Variants in SSUH2 observed in about 807,000 individuals in gnomAD.
The protein encoded by SSUH2 is protein SSUH2 homolog.
Under a neutral mutation model 55.3 loss-of-function variants are expected in SSUH2, and 47 were observed. The observed-to-expected ratio is 0.85, with a 90% CI of 0.67 to 1.08. The LOEUF is 1.08. SSUH2 is among the 50% of genes least tolerant of loss of function. SSUH2 has a pLI of 0.00. For missense variants in SSUH2, 535 were observed against 490.7 expected, an observed-to-expected ratio of 1.09 and a Z score of -0.85; for synonymous variants, 212 against 191.5, an observed-to-expected ratio of 1.11 and a Z score of -0.89.
At chr3:8,625,496 A>G (rs1262306246) in intron 10 of SSUH2, 46 bp downstream of exon 10, 2 of 1,226,772 alleles carry the variant, frequency 1.6e-6, no homozygotes, top group African/African-American at 3.0e-5. Flanking sequence ...ACGAGAGCAG[A>G]GGAGGAACCC....
chr3:8,678,078 AG>A (rs1470512922), intron 2 of SSUH2, among the ~76,000 whole-genome samples: 1 of 152,052 alleles, frequency 6.6e-6, no homozygotes, highest in Non-Finnish European at 1.5e-5. Flanking sequence ...AATATCAGTG[AG>A]GGCGTGTCCA....
chr3:8,642,876 T>C (rs1701090028), intron 1 of SSUH2, among the ~76,000 whole-genome samples: 1 of 152,270 alleles, frequency 6.6e-6, no homozygotes, highest in Admixed American at 6.5e-5. Flanking sequence ...TTTCATTAAC[T>C]TTTTCTAAAA....
At chr3:8,632,339 C>T (rs184437648) in intron 4 of SSUH2, among the ~76,000 whole-genome samples, 8 of 152,312 alleles carry the variant, frequency 5.3e-5, no homozygotes, top group African/African-American at 1.4e-4. Flanking sequence ...CAGGCTCAAA[C>T]TAGAGCTAAT....
At chr3:8,679,316 A>G (rs137989275) in intron 2 of SSUH2, among the ~76,000 whole-genome samples, 5,641 of 63,008 alleles carry the variant, frequency 0.09, 1,418 homozygotes, top group Non-Finnish European at 0.11. Flanking sequence ...GGCGGGGACT[A>G]AGAGCCAGCC....
At chr3:8,668,776 T>G (rs1704232885) in intron 5 of SSUH2, among the ~76,000 whole-genome samples, 1 of 152,134 alleles carries the variant, frequency 6.6e-6, no homozygotes, top group Non-Finnish European at 1.5e-5. Flanking sequence ...ATTTCATGAG[T>G]CTCTTTCACA....
chr3:8,680,536 ATATCG>A (rs1331168908), intron 1 of SSUH2, among the ~76,000 whole-genome samples: 1 of 151,994 alleles, frequency 6.6e-6, no homozygotes, highest in East Asian at 1.9e-4. Context: ...ACTCCCTGCG[ATATCG>A]TGTGTTATAT....
At chr3:8,674,549 G>A (rs898251695) in intron 3 of SSUH2, among the ~76,000 whole-genome samples, 5 of 152,142 alleles carry the variant, frequency 3.3e-5, no homozygotes, top group Admixed American at 6.5e-5. Context: ...TATCCAAAAA[G>A]GCTCTTGACA....
At chr3:8,650,104 C>T (rs1189401981) in intron 7 of SSUH2, among the ~76,000 whole-genome samples, 1 of 152,096 alleles carries the variant, frequency 6.6e-6, no homozygotes, top group East Asian at 1.9e-4. Context: ...CAAACTGTTC[C>T]CTCACCACCT....
At chr3:8,631,136 G>C (rs1431946191) in intron 5 of SSUH2, among the ~76,000 whole-genome samples, 3 of 152,098 alleles carry the variant, frequency 2.0e-5, no homozygotes, top group Non-Finnish European at 4.4e-5. Flanking sequence ...TTGACTCCTG[G>C]CTCTTTTATG....
intron 5 of SSUH2, among the ~76,000 whole-genome samples, chr3:8,631,497 T>C (rs1260314270): frequency 1.3e-5 from 2 of 152,086 alleles, no homozygotes; most frequent in Admixed American, 6.5e-5. Context: ...CCCATCCTGC[T>C]GGGAGGGGAG....
At chr3:8,639,573 G>C (rs17049384) in intron 1 of SSUH2, among the ~76,000 whole-genome samples, 9,710 of 152,210 alleles carry the variant, frequency 0.064, 688 homozygotes, top group African/African-American at 0.17. Flanking sequence ...TAGTGTTTCA[G>C]CTCACCACCC....
chr3:8,629,633 C>CTGACTCACCAGTGGTTCATAGA, intron 7 of SSUH2, 31 bp downstream of exon 7: 2 of 1,587,726 alleles, frequency 1.3e-6, no homozygotes, highest in Non-Finnish European at 1.7e-6. Context: ...CACACCCTCA[C>CTGACTCACCAGTGGTTCATAGA]TGACTCACCA....
At chr3:8,662,178 A>C (rs1040106339) in intron 6 of SSUH2, among the ~76,000 whole-genome samples, 8 of 152,196 alleles carry the variant, frequency 5.3e-5, no homozygotes, top group African/African-American at 1.9e-4. Context: ...TCTCCCAAGA[A>C]TGTTTGTTAT....
At chr3:8,676,093 C>T (rs1403269664) in intron 3 of SSUH2, among the ~76,000 whole-genome samples, 1 of 152,092 alleles carries the variant, frequency 6.6e-6, no homozygotes, top group Non-Finnish European at 1.5e-5. Context: ...TGAGAGCCAG[C>T]CCCTCTTCCC....
chr3:8,677,013 C>A (rs1705420187), intron 3 of SSUH2, among the ~76,000 whole-genome samples: 1 of 145,514 alleles, frequency 6.9e-6, no homozygotes, highest in African/African-American at 2.5e-5. Context: ...GCTCTTGAGA[C>A]CTCCATCGCG....
chr3:8,630,992 C>G (rs1698658814), intron 5 of SSUH2, 63 bp from the exon 6 acceptor site: 1 of 1,323,462 alleles, frequency 7.6e-7, no homozygotes, highest in Non-Finnish European at 9.7e-7. Context: ...TTTCATTTAT[C>G]CAGCAAACAG....
intron 1 of SSUH2, among the ~76,000 whole-genome samples, chr3:8,640,877 A>G (rs1047520952): frequency 6.6e-6 from 1 of 152,210 alleles, no homozygotes; most frequent in Non-Finnish European, 1.5e-5. Context: ...TTTGTTTTCA[A>G]TTATTTGAGA....
chr3:8,645,627 G>C (rs1701581457), upstream of SSUH2, among the ~76,000 whole-genome samples: 3 of 152,272 alleles, frequency 2.0e-5, no homozygotes, highest in South Asian at 6.2e-4. Context: ...TCTCTGGCCA[G>C]GGTGATGAAA....
chr3:8,639,277 C>T (rs761839902), intron 1 of SSUH2, among the ~76,000 whole-genome samples: 13 of 152,212 alleles, frequency 8.5e-5, no homozygotes, highest in Non-Finnish European at 1.8e-4. Flanking sequence ...CCCGCCCTAA[C>T]ACACACATTG....
Sources: gnomAD v4.1 joint callset for allele counts (sites outside exome capture counted in the v4.1 genomes callset) on GRCh38, gnomAD v4.1.1 for gene constraint, MANE v1.5 for transcripts, NCBI Gene and HGNC (gene_info 2026-07-23, HGNC 2026-07-21) for gene names.